SCGB2B2: variants seen among roughly 807,000 people sequenced by gnomAD.
The protein encoded by SCGB2B2 is secretoglobin family 2B member 2, also known as secretoglobin-like protein.
SCGB2B2 carries 11 observed loss-of-function variants against 7.6 expected under a neutral mutation model. That is an observed-to-expected ratio of 1.45 (90% CI 0.91 to 2.40). The LOEUF (loss-of-function observed/expected upper bound fraction) is 2.40. Ranked by LOEUF, SCGB2B2 falls within the 30% of genes most tolerant of loss-of-function variation. SCGB2B2 has a pLI of 0.00. For missense variants in SCGB2B2, 104 were observed against 115.4 expected (o/e 0.90, Z 0.45); for synonymous variants, 50 against 48.6 (o/e 1.03, Z -0.12).
chr19:34,599,705 T>TC (rs1255219412), intron 1 of SCGB2B2, among the ~76,000 whole-genome samples: 1 of 152,156 alleles, frequency 6.6e-6, no homozygotes, highest in East Asian at 1.9e-4. Flanking sequence ...CACCATCCTC[T>TC]CTTCCCTCCC....
chr19:34,585,974 T>C (rs1446562831), downstream of SCGB2B2, among the ~76,000 whole-genome samples: 5 of 152,364 alleles, frequency 3.3e-5, no homozygotes, highest in East Asian at 1.9e-4. Context: ...TATTGAAGTA[T>C]AGTTGACATA....
chr19:34,671,031 C>A (rs2146204998), intron 1 of SCGB2B2, among the ~76,000 whole-genome samples: 1 of 152,308 alleles, frequency 6.6e-6, no homozygotes, highest in Admixed American at 6.5e-5. Flanking sequence ...TCAAGCAGTT[C>A]TCTGCCTCAG....
At chr19:34,614,067 T>C (rs961197293) in intron 1 of SCGB2B2, among the ~76,000 whole-genome samples, 3 of 152,224 alleles carry the variant, frequency 2.0e-5, no homozygotes, top group Admixed American at 2.0e-4. Context: ...TCTTTGACTT[T>C]TGATAATTTG....
intron 1 of SCGB2B2, among the ~76,000 whole-genome samples, chr19:34,610,787 A>C (rs1436507709): frequency 9.0e-6 from 1 of 111,340 alleles, no homozygotes. Context: ...TTTTTTCTGT[A>C]TGCGTGTGTC....
rs1037080361 is a variant in SCGB2B2, at chr19:34,626,310, G to A, written c.-2031-29716C>T. On this transcript the variant is annotated intron_variant, in intron 1 of 3. Transcript: ENST00000601241. The stretch of plus-strand genomic sequence containing the variant: ...AGGCTTCAGACGATCAAACTACTCT[G>A]AACTAAAGGAGGAAGTTCGAACCCA... Among the ~76,000 whole-genome samples the A allele has an allele frequency of 5.3e-5, 8 of 152,244 alleles. No individual in the cohort carries two copies. The South Asian group carries it at 1.7e-3, about 32-fold the overall frequency.
chr19:34,600,379 C>T (rs112259892), intron 1 of SCGB2B2, among the ~76,000 whole-genome samples: 7 of 152,136 alleles, frequency 4.6e-5, no homozygotes, highest in South Asian at 2.1e-4. Context: ...GTCTTGTACA[C>T]GTTTATATTC....
intron 1 of SCGB2B2, among the ~76,000 whole-genome samples, chr19:34,642,682 T>A (rs1178010397): frequency 7.9e-5 from 9 of 113,548 alleles, no homozygotes; most frequent in Non-Finnish European, 1.1e-4. Context: ...GCCACTGCAC[T>A]CCAGCCTGGG....
At chr19:34,674,296 T>C (rs929459108) in intron 1 of SCGB2B2, among the ~76,000 whole-genome samples, 2 of 152,200 alleles carry the variant, frequency 1.3e-5, no homozygotes, top group Admixed American at 6.5e-5. Flanking sequence ...AAGGAAATTA[T>C]ATAATCTCTA....
intron 1 of SCGB2B2, among the ~76,000 whole-genome samples, chr19:34,641,857 T>C (rs563336244): frequency 3.3e-5 from 5 of 152,314 alleles, no homozygotes; most frequent in African/African-American, 1.2e-4. Context: ...CTAGTCTAGA[T>C]CTAGGAAAGA....
chr19:34,633,465 T>C (rs895624039), intron 1 of SCGB2B2, among the ~76,000 whole-genome samples: 9 of 152,162 alleles, frequency 5.9e-5, no homozygotes, highest in Non-Finnish European at 1.2e-4. Flanking sequence ...TGTTGACACA[T>C]GCAACATGGA....
chr19:34,604,836 G>T (rs2065734001), intron 1 of SCGB2B2, among the ~76,000 whole-genome samples: 1 of 151,912 alleles, frequency 6.6e-6, no homozygotes, highest in Non-Finnish European at 1.5e-5. Context: ...TTTATATCTT[G>T]TATATTTTTA....
At chr19:34,617,870 A>G (rs2066129790) in intron 1 of SCGB2B2, among the ~76,000 whole-genome samples, 2 of 152,222 alleles carry the variant, frequency 1.3e-5, no homozygotes, top group African/African-American at 4.8e-5. Context: ...AAAGCGCAGT[A>G]TTCGGGTGGG....
intron 1 of SCGB2B2, among the ~76,000 whole-genome samples, chr19:34,662,466 T>C (rs879518463): frequency 2.0e-5 from 3 of 149,776 alleles, no homozygotes; most frequent in African/African-American, 7.4e-5. Flanking sequence ...AAAACCATAT[T>C]AAAAATAACA....
chr19:34,670,761 T>C (rs1364593352), intron 1 of SCGB2B2, among the ~76,000 whole-genome samples: 3 of 152,254 alleles, frequency 2.0e-5, no homozygotes, highest in African/African-American at 7.2e-5. Context: ...ATTTTTTTCT[T>C]TGATTGAACA....
intron 1 of SCGB2B2, among the ~76,000 whole-genome samples, chr19:34,644,328 C>A (rs1015551093): frequency 6.6e-6 from 1 of 151,236 alleles, no homozygotes; most frequent in Non-Finnish European, 1.5e-5. Context: ...GCCACCTTGC[C>A]CAGCCCCAGC....
intron 1 of SCGB2B2, among the ~76,000 whole-genome samples, chr19:34,651,625 TGAA>T (rs959499192): frequency 4.0e-5 from 6 of 151,106 alleles, no homozygotes; most frequent in African/African-American, 7.4e-5. Context: ...GGAAATCAAT[TGAA>T]GAAGACACCA....
At chr19:34,648,330 C>CT (rs1296527880) in intron 1 of SCGB2B2, among the ~76,000 whole-genome samples, 3 of 152,176 alleles carry the variant, frequency 2.0e-5, no homozygotes, top group African/African-American at 7.2e-5. Context: ...TAACATTCAG[C>CT]TTTTAACGAT....
intron 1 of SCGB2B2, among the ~76,000 whole-genome samples, chr19:34,638,673 T>C (rs778968005): frequency 2.0e-5 from 3 of 152,136 alleles, no homozygotes; most frequent in African/African-American, 7.2e-5. Context: ...CCCCTAATAA[T>C]AGAATTTCAC....
chr19:34,634,214 G>A (rs2066613316), intron 1 of SCGB2B2, among the ~76,000 whole-genome samples: 1 of 152,148 alleles, frequency 6.6e-6, no homozygotes, highest in African/African-American at 2.4e-5. Flanking sequence ...TTGTTGCCCT[G>A]AGCTCTATGA....
Sources: allele counts gnomAD v4.1 joint callset (sites outside exome capture counted in the v4.1 genomes callset), GRCh38; gene constraint gnomAD v4.1.1; transcripts MANE v1.5; gene names NCBI Gene and HGNC (gene_info 2026-07-23, HGNC 2026-07-21).